NDUFA2: variants seen among roughly 807,000 people sequenced by gnomAD.
The protein encoded by NDUFA2 is NADH:ubiquinone oxidoreductase subunit A2.
NDUFA2 carries 9 observed loss-of-function variants against 11.4 expected under a neutral mutation model. That is an observed-to-expected ratio of 0.79 (90% confidence interval 0.48 to 1.38). NDUFA2 has a LOEUF of 1.38. NDUFA2 is among the 40% of genes most tolerant of loss of function. The probability of loss-of-function intolerance (pLI) is 0.00; values close to 1 mark genes in which losing one functional copy is unlikely to be tolerated. For synonymous variants in NDUFA2, 49 were observed against 54.0 expected (o/e 0.91, Z 0.41); for missense variants, 150 against 131.2 (o/e 1.14, Z -0.70).
At chr5:140,645,933 C>T (rs1456914675) in intron 2 of NDUFA2, among the ~76,000 whole-genome samples, 1 of 151,630 alleles carries the variant, frequency 6.6e-6, no homozygotes, top group Non-Finnish European at 1.5e-5. Flanking sequence ...TTCGGGGGCA[C>T]TGTAGGCATT....
At chr5:140,645,781 A>G in intron 2 of NDUFA2, 103 bp from the exon 3 acceptor site, 4 of 1,539,668 alleles carry the variant, frequency 2.6e-6, no homozygotes, top group Non-Finnish European at 3.5e-6. Flanking sequence ...TAAGACAGGA[A>G]GAGTATTAAA....
chr5:140,647,329 C>A lies in NDUFA2; in HGVS notation c.135G>T (p.Lys45Asn). The A allele has an allele frequency of 6.2e-7, 1 of 1,604,854 alleles. No individual in the cohort carries two copies. Among genetic ancestry groups the A allele is most frequent in the Non-Finnish European group, 8.5e-7 (1 of 1,173,964 alleles). Residue 45 changes from lysine to asparagine, a missense_variant, in exon 2 of 3, where the codon AAG becomes AAT. By Grantham distance (94) the Lys-to-Asn change is moderately conservative (BLOSUM62 0). Transcript: ENST00000252102. ...GGATGGGTAGGTCGGGATTCGCCTT[C>A]TTCAGCTCCACGTAGCGTTTCTCAA... Reference protein sequence around the residue: ...DFIEKRYVELKKANPDLPILI... With the variant: ...DFIEKRYVELNKANPDLPILI...
In NDUFA2 at chr5:140,647,320, A is replaced by G. The variant is rs371008733; in HGVS notation, c.144T>C (p.Asn48=). 3 of 1,598,540 alleles carry G rather than the reference A, an allele frequency of 1.9e-6. No individual in the cohort carries two copies. Among genetic ancestry groups the G allele is most frequent in the African/African-American group, 2.7e-5 (2 of 74,650 alleles). The change falls in exon 2 of 3, where the codon AAT becomes AAC. Residue 48 remains asparagine (N), a synonymous_variant. Transcript: ENST00000252102. ...CGCGGATTAGGATGGGTAGGTCGGG[A>G]TTCGCCTTCTTCAGCTCCACGTAGC... ...EKRYVELKKA[N]PDLPILIREC... is the part of the protein sequence containing the mutation.
chr5:140,647,077 T>G, intron 2 of NDUFA2, 179 bp downstream of exon 2: 2 of 708,958 alleles, frequency 2.8e-6, no homozygotes, highest in Non-Finnish European at 4.4e-6. Flanking sequence ...TTGCCCGGAA[T>G]ACAACGCATC....
intron 2 of NDUFA2, among the ~76,000 whole-genome samples, chr5:140,646,570 T>C (rs1156849775): frequency 1.3e-5 from 2 of 152,182 alleles, no homozygotes; most frequent in African/African-American, 4.8e-5. Flanking sequence ...AAAGCTGTGA[T>C]TAAAATCCTG....
In NDUFA2 at chr5:140,645,661, TC is replaced by T. The variant is rs863224084; in HGVS notation, c.225del (p.Asn76MetfsTer4). 2.5e-6 allele frequency: 4 copies of T among 1,614,180 alleles called. No homozygotes were observed. In the South Asian group the frequency reaches 4.4e-5, roughly 18 times the overall value. On this transcript the variant is annotated frameshift_variant, in exon 3 of 3. Coordinates refer to ENST00000252102, the MANE Select transcript of NDUFA2 (RefSeq NM_002488.5). LOFTEE classifies it high-confidence loss of function. Reference protein sequence around the residue: ...LWARYAFGQETNVPLNNFSAD... With the variant: ...LWARYAFGQEXNVPLNNFSAD... Reference sequence around the variant, plus strand: ...GCACTGAAGTTGTTCAAAGGGACATTCGTCTCTTGGCCAAATGCTGAAGAGA... The same window carrying T: ...GCACTGAAGTTGTTCAAAGGGACATTGTCTCTTGGCCAAATGCTGAAGAGA...
At chr5:140,646,335 T>C (rs1355486941) in intron 2 of NDUFA2, among the ~76,000 whole-genome samples, 3 of 152,164 alleles carry the variant, frequency 2.0e-5, no homozygotes, top group Non-Finnish European at 2.9e-5. Flanking sequence ...TAGGCTCCCA[T>C]AGGCTATCTA....
chr5:140,645,818 T>C (rs1757362875), intron 2 of NDUFA2, 140 bp from the exon 3 acceptor site: 1 of 1,405,770 alleles, frequency 7.1e-7, no homozygotes, highest in Non-Finnish European at 9.7e-7. Context: ...ACATTTGGTA[T>C]GCCTAGAATT....
intron 2 of NDUFA2, 30 bp downstream of exon 2, chr5:140,647,226 A>G (rs750708950): frequency 2.6e-6 from 4 of 1,522,246 alleles, no homozygotes; most frequent in Non-Finnish European, 3.5e-6. Flanking sequence ...CCCCTACCGG[A>G]GCCCCAGACC....
In NDUFA2 at chr5:140,647,300, A is replaced by G. The variant is rs767860186; in HGVS notation, c.164T>C (p.Ile55Thr). The change falls in exon 2 of 3, where the codon ATC becomes ACC. Residue 55 changes from isoleucine (I) to threonine (T), a missense_variant. Physicochemically the swap from Ile to Thr is moderately conservative, Grantham distance 89. Transcript: ENST00000252102. ...GGGCTGCACATCGGAGCATTCGCGG[A>G]TTAGGATGGGTAGGTCGGGATTCGC... ...KKANPDLPIL[I>T]RECSDVQPKL... 3.8e-6 allele frequency: 6 copies of G among 1,581,984 alleles called. No homozygotes were observed. In the African/African-American group the frequency reaches 6.7e-5, roughly 18 times the overall value.
chr5:140,647,497 G>C lies in NDUFA2; in HGVS notation c.87C>G (p.Gly29=). The C allele has an allele frequency of 6.2e-7, 1 of 1,612,382 alleles. No individual in the cohort carries two copies. The highest frequency in any genetic ancestry group is 8.5e-7 in the Non-Finnish European group (1 of 1,179,890). The change falls in exon 1 of 3, where the codon GGC becomes GGG. Residue 29 remains glycine (G), a synonymous_variant. Coordinates refer to ENST00000252102, the MANE Select transcript of NDUFA2 (RefSeq NM_002488.5). The stretch of plus-strand genomic sequence containing the variant: ...CCGCGCCTCACCTGACGCCCTGGCT[G>C]CCGGGCGAGCGCTGACATAAGTGGA... ...IRIHLCQRSP[G]SQGVRDFIEK...
rs1432695380 is a variant in NDUFA2 at position 140,647,195 on chromosome 5, T to A, written c.208+61A>T. 1.1e-5 allele frequency: 16 copies of A among 1,501,674 alleles called. No individual in the cohort carries two copies. In the East Asian group the frequency reaches 2.3e-4, roughly 21 times the overall value. 93.0% of individuals were successfully genotyped at this position (1,501,674 alleles called of 1,614,324 possible). On this transcript the variant is annotated intron_variant, in intron 2 of 2. Transcript: ENST00000252102. ...TTTCTGCACGACCTTGGGCGGTCCC[T>A]TCTCTTCTCAAACCCTTGTTCCCCT...
In NDUFA2 at chr5:140,647,622, G is replaced by T. The variant is rs775201684; in HGVS notation, c.-39C>A. 1.7e-5 allele frequency: 27 copies of T among 1,599,110 alleles called. No homozygotes were observed. Among genetic ancestry groups the T allele is most frequent in the Non-Finnish European group, 2.0e-5 (24 of 1,175,886 alleles). ...GAAGTCGCCAATTCCAGGTCTTCAG[G>T]CCAAGTGCTCCGGTCTGACCAACCG... On this transcript the variant is annotated 5_prime_UTR_variant, in exon 1 of 3. Transcript: ENST00000252102.
At chr5:140,646,972 T>C (rs1286713534) in intron 2 of NDUFA2, 2 of 352,172 alleles carry the variant, frequency 5.7e-6, no homozygotes, top group East Asian at 5.3e-5. Context: ...AGAAACTATA[T>C]TGACTAACTT....
Position 140,645,571 on chromosome 5 carries a change from A to G in NDUFA2, c.*16T>C. The G allele has an allele frequency of 6.2e-7, 1 of 1,614,048 alleles. No individual in the cohort carries two copies. Among genetic ancestry groups the G allele is most frequent in the East Asian group, 2.2e-5 (1 of 44,878 alleles). On this transcript the variant is annotated 3_prime_UTR_variant, in exon 3 of 3. Transcript: ENST00000252102. The stretch of plus-strand genomic sequence containing the variant: ...CCAGGCTCTGGGGCTGTTGCTCTTA[A>G]TCCTCAGTGGAGGCTTCAGGCTTTA...
At chr5:140,646,769 C>G (rs772252643) in intron 2 of NDUFA2, among the ~76,000 whole-genome samples, 3 of 152,060 alleles carry the variant, frequency 2.0e-5, no homozygotes, top group Admixed American at 1.3e-4. Context: ...TAGAGTTTAA[C>G]AATAGTGCAA....
chr5:140,646,301 G>T (rs543839584), intron 2 of NDUFA2, among the ~76,000 whole-genome samples: 1 of 152,134 alleles, frequency 6.6e-6, no homozygotes, highest in South Asian at 2.1e-4. Context: ...GTGAACCACC[G>T]CACCCAGCTG....
At chr5:140,647,422 G>T in intron 1 of NDUFA2, 60 bp from the exon 2 acceptor site, 1 of 1,609,814 alleles carries the variant, frequency 6.2e-7, no homozygotes, top group Non-Finnish European at 8.5e-7. Context: ...CAACTTCAGG[G>T]AGGTCGAGGT....
At chr5:140,646,745 T>A (rs534592784) in intron 2 of NDUFA2, among the ~76,000 whole-genome samples, 188 of 152,300 alleles carry the variant, frequency 1.2e-3, no homozygotes, top group African/African-American at 4.5e-3. Context: ...TCTAGCTGCA[T>A]CTAAAGTTGC....
Sources: allele counts gnomAD v4.1 joint callset (sites outside exome capture counted in the v4.1 genomes callset), GRCh38; gene constraint gnomAD v4.1.1; transcripts MANE v1.5; gene names NCBI Gene and HGNC (gene_info 2026-07-23, HGNC 2026-07-21).